The following RANBP2 variants were observed in gnomAD, a reference collection of about 807,000 sequenced individuals.
The protein encoded by RANBP2 is RAN binding protein 2.
Under a neutral mutation model 303.6 loss-of-function variants are expected in RANBP2, and 57 were observed. The ratio of observed to expected loss-of-function variants is 0.19; its 90% CI spans 0.15 to 0.23. The LOEUF is 0.23. Ranked by LOEUF, RANBP2 falls within the 10% of genes least tolerant of loss-of-function variation. RANBP2 has a pLI of 1.00. For missense variants in RANBP2, 3,138 were observed against 3,780.8 expected (o/e 0.83, Z 4.46); for synonymous variants, 1,167 against 1,301.5 (o/e 0.90, Z 2.23).
chr2:108,786,214 A>T (rs1427014881), downstream of RANBP2, among the ~76,000 whole-genome samples: 2 of 151,334 alleles, frequency 1.3e-5, no homozygotes, highest in Non-Finnish European at 2.9e-5. Context: ...GAACACAGGG[A>T]AAGTGAGGTA....
chr2:108,762,662 T>TTG lies in RANBP2; in HGVS notation c.2697+468_2697+469dup, dbSNP rs1237111538. 2.9e-5 allele frequency among the ~76,000 whole-genome samples: 4 copies of TTG among 136,684 alleles called. No homozygotes were observed. In the East Asian group the frequency reaches 8.5e-4, roughly 29 times the overall value. The allele number at this position is 136,684 out of a possible 152,430, so 89.7% of individuals were successfully genotyped here. A position where few individuals can be genotyped will look rare whatever the true frequency, so the allele number is the denominator to read the frequency against. On this transcript the variant is annotated intron_variant, in intron 19 of 28. Transcript: ENST00000283195. Reference sequence around the variant, plus strand: ...GTTTCTTAACCTCTCAATGCATCAGTTGCCTCATATGTAAAATGAGGATAA... The same window carrying TTG: ...GTTTCTTAACCTCTCAATGCATCAGTTGTGCCTCATATGTAAAATGAGGATAA...
the RANBP2 span, among the ~76,000 whole-genome samples, chr2:109,346,179 C>T: frequency 1.1e-4 from 17 of 152,176 alleles, no homozygotes; most frequent in South Asian, 4.1e-4. Flanking sequence ...TGGAAGCAAA[C>T]GGATTTTTTT....
chr2:109,294,935 C>A, the RANBP2 span, among the ~76,000 whole-genome samples: 1 of 152,240 alleles, frequency 6.6e-6, no homozygotes, highest in African/African-American at 2.4e-5. Context: ...GCAGTGGAAA[C>A]AGCACTTTCC....
At chr2:109,650,780 T>C in the RANBP2 span, among the ~76,000 whole-genome samples, 48 of 152,330 alleles carry the variant, frequency 3.2e-4, 1 homozygote, top group East Asian at 8.5e-3. Context: ...AACGTGCCTT[T>C]TGCCTTCTGC....
At chr2:109,151,687 G>A in the RANBP2 span, among the ~76,000 whole-genome samples, 1 of 152,248 alleles carries the variant, frequency 6.6e-6, no homozygotes, top group Non-Finnish European at 1.5e-5. Flanking sequence ...CCAGGGCCCA[G>A]TAGGCATGTG....
At chr2:109,635,927 G>T in the RANBP2 span, among the ~76,000 whole-genome samples, 1 of 152,236 alleles carries the variant, frequency 6.6e-6, no homozygotes, top group Non-Finnish European at 1.5e-5. Flanking sequence ...GAATTCTTAT[G>T]TTGAAATCTT....
chr2:109,550,278 A>T, the RANBP2 span, among the ~76,000 whole-genome samples: 1 of 151,618 alleles, frequency 6.6e-6, no homozygotes, highest in Non-Finnish European at 1.5e-5. Context: ...CAACAAAAGC[A>T]AGACTCAGTC....
chr2:108,820,373 T>C, the RANBP2 span, among the ~76,000 whole-genome samples: 1 of 152,080 alleles, frequency 6.6e-6, no homozygotes, highest in Admixed American at 6.5e-5. Context: ...ATGTAAGTCT[T>C]GGAATGAGAA....
the RANBP2 span, among the ~76,000 whole-genome samples, chr2:109,204,532 GTGTGCAA>G: frequency 6.6e-6 from 1 of 151,988 alleles, no homozygotes; most frequent in African/African-American, 2.4e-5. Flanking sequence ...ACATATATTT[GTGTGCAA>G]TGTACAATGT....
chr2:109,317,653 T>C, the RANBP2 span, among the ~76,000 whole-genome samples: 6 of 152,188 alleles, frequency 3.9e-5, no homozygotes, highest in African/African-American at 1.4e-4. Context: ...TGGCTGAGTT[T>C]AAATGACTTC....
chr2:109,436,950 G>A, the RANBP2 span: 1 of 1,613,840 alleles, frequency 6.2e-7, no homozygotes, highest in Non-Finnish European at 8.5e-7. Flanking sequence ...GGTCTCCACT[G>A]GCCAAAGGGA....
At chr2:109,321,968 G>A in the RANBP2 span, among the ~76,000 whole-genome samples, 1 of 152,168 alleles carries the variant, frequency 6.6e-6, no homozygotes, top group Non-Finnish European at 1.5e-5. Flanking sequence ...AAGATGATTG[G>A]TCCTCGTTAT....
chr2:108,998,357 C>T, the RANBP2 span, among the ~76,000 whole-genome samples: 3 of 152,126 alleles, frequency 2.0e-5, no homozygotes, highest in African/African-American at 4.8e-5. Flanking sequence ...ATCAGCCTGG[C>T]GACTCCTGCA....
At chr2:108,742,273 G>A (rs1696170899) in intron 7 of RANBP2, among the ~76,000 whole-genome samples, 1 of 151,876 alleles carries the variant, frequency 6.6e-6, no homozygotes, top group Admixed American at 6.6e-5. Flanking sequence ...TGGGATTACA[G>A]GCAGTGAGCC....
chr2:108,833,894 A>ATTTTTTTTTTTT, the RANBP2 span, among the ~76,000 whole-genome samples: 2 of 79,228 alleles, frequency 2.5e-5, no homozygotes, highest in Non-Finnish European at 4.5e-5. Flanking sequence ...CGCCCGGCTA[A>ATTTTTTTTTTTT]TTTTTTTTTT....
the RANBP2 span, among the ~76,000 whole-genome samples, chr2:109,049,024 G>C: frequency 5.3e-5 from 8 of 152,288 alleles, no homozygotes; most frequent in East Asian, 1.5e-3. Context: ...TATTAAATGT[G>C]CTCTTTGTGA....
At chr2:109,371,635 G>C in the RANBP2 span, 1 of 1,614,056 alleles carries the variant, frequency 6.2e-7, no homozygotes, top group East Asian at 2.2e-5. Flanking sequence ...TGGGCGGAAG[G>C]CATGCTGGGA....
At position 108,735,669 on chromosome 2, in the gene RANBP2, G is replaced by A. The variant is rs146460580; in HGVS notation, c.543G>A (p.Leu181=). The A allele has an allele frequency of 3.1e-5, 50 of 1,597,608 alleles. No individual in the cohort carries two copies. The African/African-American group carries it at 4.7e-4, about 15-fold the overall frequency. The change falls in exon 5 of 29, where the codon TTG becomes TTA. Residue 181 remains leucine, a synonymous_variant. Coordinates refer to ENST00000283195, the MANE Select transcript of RANBP2 (RefSeq NM_006267.5). ...LVEVYRSTKR[L]KDAVAHCHEA... ...AGGTGTATCGCTCAACTAAAAGATT[G>A]AAGGATGCTGTGGCCCACTGCCATG...
In RANBP2 at chr2:108,744,310, A is replaced by G. The variant is rs55654199; in HGVS notation, c.976-2401A>G. Among the ~76,000 whole-genome samples the G allele has an allele frequency of 5.9e-3, 898 of 152,242 alleles. 9 individuals carry two copies. Among genetic ancestry groups the G allele is most frequent in the Non-Finnish European group, 8.9e-3 (608 of 68,006 alleles). ...TCCCAGCTACTTGAGAGGCCGAGAC[A>G]GGAGAATTGCTTGAAACCAGGAGGC... On this transcript the variant is annotated intron_variant, in intron 7 of 28. Transcript: ENST00000283195.
Sources: gnomAD v4.1 joint callset for allele counts (sites outside exome capture counted in the v4.1 genomes callset) on GRCh38, gnomAD v4.1.1 for gene constraint, MANE v1.5 for transcripts, NCBI Gene and HGNC (gene_info 2026-07-23, HGNC 2026-07-21) for gene names.